DDX4: variants seen among roughly 807,000 people sequenced by gnomAD.
The protein encoded by DDX4 is probable ATP-dependent RNA helicase DDX4.
Under a neutral mutation model 100.0 loss-of-function variants are expected in DDX4, and 25 were observed. The observed-to-expected ratio is 0.25, with a 90% CI of 0.18 to 0.35. The LOEUF (loss-of-function observed/expected upper bound fraction) is 0.35. Among genes scored for constraint, DDX4 ranks in the 10% least tolerant of loss-of-function variants. DDX4 has a pLI of 1.00. For missense variants in DDX4, 635 were observed against 882.4 expected, an observed-to-expected ratio of 0.72 and a Z score of 3.55; for synonymous variants, 259 against 275.7, an observed-to-expected ratio of 0.94 and a Z score of 0.60.
At chr5:55,762,013 A>C (rs1399615001) in intron 4 of DDX4, among the ~76,000 whole-genome samples, 1 of 152,210 alleles carries the variant, frequency 6.6e-6, no homozygotes, top group Non-Finnish European at 1.5e-5. Flanking sequence ...CTAGCTTGTT[A>C]TGTCCTGTGA....
chr5:55,766,540 G>T (rs965599446), intron 6 of DDX4, among the ~76,000 whole-genome samples: 9 of 146,032 alleles, frequency 6.2e-5, no homozygotes, highest in Admixed American at 1.4e-4. Flanking sequence ...CTTCTACATT[G>T]TATTAAGTCC....
At chr5:55,785,573 TTA>T (rs1742192406) in intron 12 of DDX4, 79 bp downstream of exon 12, 2 of 1,358,924 alleles carry the variant, frequency 1.5e-6, no homozygotes, top group Non-Finnish European at 2.0e-6. Context: ...AAAAACAAAG[TTA>T]TCTTTTAAAA....
rs370816629 is a variant in DDX4 at position 55,805,980 on chromosome 5, T to G, written c.1615+7409T>G. ...GGACTTTTTTTGGTTGGTAAGCTAT[T>G]AATTATTACCTCAATTTCAGAGCCT... On this transcript the variant is annotated intron_variant, in intron 18 of 21. Coordinates refer to ENST00000505374, the MANE Select transcript of DDX4 (RefSeq NM_024415.3). 4.4e-4 allele frequency among the ~76,000 whole-genome samples: 67 copies of G among 152,338 alleles called. No individual in the cohort carries two copies. The East Asian group carries it at 7.5e-3, about 17-fold the overall frequency.
intron 17 of DDX4, 86 bp from the exon 18 acceptor site, chr5:55,798,340 G>T: frequency 1.5e-6 from 2 of 1,371,440 alleles, no homozygotes; most frequent in Non-Finnish European, 2.0e-6. Flanking sequence ...GATTAATATT[G>T]AGATAACACC....
chr5:55,812,359 A>C (rs1744168796), intron 18 of DDX4, among the ~76,000 whole-genome samples: 1 of 152,188 alleles, frequency 6.6e-6, no homozygotes, highest in Non-Finnish European at 1.5e-5. Flanking sequence ...TAGGAGATTG[A>C]GACCATCCTG....
intron 18 of DDX4, among the ~76,000 whole-genome samples, chr5:55,802,790 G>A (rs531431565): frequency 2.0e-4 from 31 of 152,204 alleles, no homozygotes; most frequent in African/African-American, 7.2e-4. Flanking sequence ...ATTTGTTACC[G>A]GTAATTGTTA....
intron 7 of DDX4, among the ~76,000 whole-genome samples, chr5:55,772,925 CAA>C (rs1741342619): frequency 6.6e-6 from 1 of 152,168 alleles, no homozygotes; most frequent in African/African-American, 2.4e-5. Flanking sequence ...TGAAAAACCT[CAA>C]GATTGCCTGT....
intron 3 of DDX4, among the ~76,000 whole-genome samples, chr5:55,747,942 G>A (rs1307969426): frequency 6.6e-6 from 1 of 152,184 alleles, no homozygotes; most frequent in Non-Finnish European, 1.5e-5. Flanking sequence ...GGTCAAGGGA[G>A]CTGCATGCTC....
chr5:55,753,509 C>T (rs576497503), intron 3 of DDX4, among the ~76,000 whole-genome samples: 40 of 152,256 alleles, frequency 2.6e-4, no homozygotes, highest in South Asian at 2.3e-3. Context: ...TCTGAGGGCT[C>T]TGTTCTGTTC....
At chr5:55,772,013 G>A (rs1354494352) in intron 7 of DDX4, among the ~76,000 whole-genome samples, 4 of 152,178 alleles carry the variant, frequency 2.6e-5, no homozygotes, top group Non-Finnish European at 5.9e-5. Context: ...AAGGTCAGGA[G>A]TTCGAGACCA....
chr5:55,754,223 G>C (rs994613286), intron 3 of DDX4, among the ~76,000 whole-genome samples: 4 of 150,838 alleles, frequency 2.7e-5, no homozygotes, highest in African/African-American at 7.3e-5. Flanking sequence ...AATAGGAGTG[G>C]TGAGAGAAGG....
chr5:55,743,976 G>A (rs1315025721), intron 2 of DDX4, among the ~76,000 whole-genome samples: 2 of 136,648 alleles, frequency 1.5e-5, no homozygotes, highest in Non-Finnish European at 3.1e-5. Flanking sequence ...CAAGAAAAAA[G>A]TCTTCAGATT....
intron 7 of DDX4, among the ~76,000 whole-genome samples, chr5:55,774,005 C>A (rs974811228): frequency 5.9e-5 from 9 of 152,054 alleles, no homozygotes; most frequent in Admixed American, 1.3e-4. Flanking sequence ...ATTTGTATAT[C>A]TTTGGAGAAA....
intron 2 of DDX4, among the ~76,000 whole-genome samples, chr5:55,741,099 C>G (rs1351669696): frequency 6.6e-6 from 1 of 152,128 alleles, no homozygotes; most frequent in African/African-American, 2.4e-5. Flanking sequence ...GTCTTAATAG[C>G]CATCTGTCCA....
At chr5:55,812,094 G>GT (rs1354576361) in intron 18 of DDX4, among the ~76,000 whole-genome samples, 1 of 151,910 alleles carries the variant, frequency 6.6e-6, no homozygotes, top group Non-Finnish European at 1.5e-5. Context: ...CTTGTAATAC[G>GT]TTTTTTCAAA....
At chr5:55,746,247 A>C in intron 3 of DDX4, 26 bp downstream of exon 3, 1 of 1,590,044 alleles carries the variant, frequency 6.3e-7, no homozygotes. Context: ...AAAAGGTAAA[A>C]CCCTTTTTAG....
rs1740448707 is a variant in DDX4 at position 55,760,332 on chromosome 5, A to G, written c.205+55A>G. 3 of 1,485,496 alleles carry G rather than the reference A, an allele frequency of 2.0e-6. No individual in the cohort carries two copies. The East Asian group carries it at 8.0e-5, about 40-fold the overall frequency. 92.0% of individuals were successfully genotyped at this position (1,485,496 alleles called of 1,614,324 possible). ...TGAACTGTTGAATAATTGGATATAT[A>G]GAGGCTTTCATGGCCATTTGGTACA... On this transcript the variant is annotated intron_variant, in intron 4 of 21. Coordinates refer to ENST00000505374, the MANE Select transcript of DDX4 (RefSeq NM_024415.3).
chr5:55,802,990 G>A (rs59762765), intron 18 of DDX4, among the ~76,000 whole-genome samples: 2 of 151,570 alleles, frequency 1.3e-5, no homozygotes, highest in East Asian at 3.9e-4. Flanking sequence ...GGGTACATGT[G>A]CACAACATGC....
At chr5:55,784,816 A>G (rs1392476265) in intron 10 of DDX4, among the ~76,000 whole-genome samples, 2 of 152,204 alleles carry the variant, frequency 1.3e-5, no homozygotes, top group Non-Finnish European at 2.9e-5. Context: ...AACTAAGCAC[A>G]TCCTGTGTGA....
Sources: allele counts gnomAD v4.1 joint callset (sites outside exome capture counted in the v4.1 genomes callset), GRCh38; gene constraint gnomAD v4.1.1; transcripts MANE v1.5; gene names NCBI Gene and HGNC (gene_info 2026-07-23, HGNC 2026-07-21).